Variants in SYNPR observed in about 807,000 individuals in gnomAD.
SYNPR encodes the protein synaptoporin.
SYNPR carries 23 observed loss-of-function variants against 32.9 expected under a neutral mutation model. That is an observed-to-expected ratio of 0.70 (90% CI 0.50 to 0.99). The LOEUF (loss-of-function observed/expected upper bound fraction) is 0.99, where lower values mean the gene tolerates loss of function less well. SYNPR is among the 50% of genes least tolerant of loss of function. The pLI is 0.00. For synonymous variants in SYNPR, 146 were observed against 135.9 expected, an observed-to-expected ratio of 1.07 and a Z score of -0.52; for missense variants, 318 against 349.3, an observed-to-expected ratio of 0.91 and a Z score of 0.71.
At chr3:63,588,468 A>G (rs1703232800) in intron 4 of SYNPR, among the ~76,000 whole-genome samples, 1 of 152,090 alleles carries the variant, frequency 6.6e-6, no homozygotes, top group Non-Finnish European at 1.5e-5. Flanking sequence ...CTAGTTGTTA[A>G]TTAACTAAAT....
chr3:63,570,291 G>A (rs1702862909), intron 4 of SYNPR, among the ~76,000 whole-genome samples: 2 of 152,078 alleles, frequency 1.3e-5, no homozygotes, highest in South Asian at 2.1e-4. Context: ...AATGGTCTCC[G>A]ACCTCCAGTC....
intron 2 of SYNPR, among the ~76,000 whole-genome samples, chr3:63,398,160 T>C (rs1418312794): frequency 6.6e-6 from 1 of 152,202 alleles, no homozygotes. Context: ...CTTTGTCTTC[T>C]GTAAATGAAG....
At chr3:63,481,445 A>ATGTGTGTGTG (rs1278991637) in intron 3 of SYNPR, among the ~76,000 whole-genome samples, 1 of 134,336 alleles carries the variant, frequency 7.4e-6, no homozygotes, top group East Asian at 2.1e-4. Flanking sequence ...GTATATATAT[A>ATGTGTGTGTG]TATATATGTG....
chr3:63,204,420 G>T, the SYNPR span, among the ~76,000 whole-genome samples: 1 of 152,022 alleles, frequency 6.6e-6, no homozygotes, highest in African/African-American at 2.4e-5. Flanking sequence ...TAAAGGCACT[G>T]GTCTTATTGG....
At chr3:63,346,093 G>C (rs2087433525) in intron 2 of SYNPR, among the ~76,000 whole-genome samples, 1 of 152,122 alleles carries the variant, frequency 6.6e-6, no homozygotes, top group Non-Finnish European at 1.5e-5. Context: ...AGGATTACAG[G>C]TGTGAGCCAC....
intron 3 of SYNPR, among the ~76,000 whole-genome samples, chr3:63,486,820 T>C (rs972631678): frequency 5.3e-5 from 8 of 152,150 alleles, no homozygotes; most frequent in Non-Finnish European, 1.2e-4. Flanking sequence ...TGGTTTTCAG[T>C]TCAGGTCTTA....
At chr3:63,571,561 C>A (rs1702886884) in intron 4 of SYNPR, among the ~76,000 whole-genome samples, 1 of 151,996 alleles carries the variant, frequency 6.6e-6, no homozygotes, top group African/African-American at 2.4e-5. Context: ...TTATGAATTA[C>A]CCTCAAAGAG....
chr3:63,262,980 T>C (rs2086452238), intron 2 of SYNPR, among the ~76,000 whole-genome samples: 1 of 152,172 alleles, frequency 6.6e-6, no homozygotes, highest in African/African-American at 2.4e-5. Flanking sequence ...AAAAGTCAAA[T>C]GCTTACAGTG....
In SYNPR at chr3:63,593,478, T is replaced by C. The variant is rs150378790; in HGVS notation, c.409-15647T>C. 2.0e-5 allele frequency among the ~76,000 whole-genome samples: 3 copies of C among 152,156 alleles called. No homozygotes were observed. The East Asian group carries it at 5.8e-4, about 29-fold the overall frequency. The stretch of plus-strand genomic sequence containing the variant: ...CCTGTAACTGAAATAAAGAGAGAGA[T>C]GCAGGGGATCTAAAAATCTTCTTTT... On this transcript the variant is annotated intron_variant, in intron 4 of 5. Coordinates refer to ENST00000478300, the MANE Select transcript of SYNPR (RefSeq NM_001130003.2).
chr3:63,400,087 T>C (rs1034180234), intron 2 of SYNPR, among the ~76,000 whole-genome samples: 1 of 152,214 alleles, frequency 6.6e-6, no homozygotes, highest in African/African-American at 2.4e-5. Flanking sequence ...GCCATCCTCA[T>C]GACCTATAGA....
At chr3:63,547,780 G>A (rs1702434482) in intron 3 of SYNPR, among the ~76,000 whole-genome samples, 1 of 152,100 alleles carries the variant, frequency 6.6e-6, no homozygotes, top group African/African-American at 2.4e-5. Context: ...GAGCTTTGGG[G>A]TCATACGGAC....
intron 4 of SYNPR, 87 bp downstream of exon 4, chr3:63,556,828 C>G: frequency 2.3e-6 from 3 of 1,287,380 alleles, no homozygotes; most frequent in Non-Finnish European, 3.2e-6. Context: ...TTACCTGAGC[C>G]CTCGGGTTAG....
At chr3:63,392,320 C>T (rs747209816) in intron 2 of SYNPR, among the ~76,000 whole-genome samples, 1 of 152,172 alleles carries the variant, frequency 6.6e-6, no homozygotes, top group Non-Finnish European at 1.5e-5. Context: ...CAGGTTACGC[C>T]ATTGTACACA....
intron 5 of SYNPR, 149 bp downstream of exon 5, chr3:63,609,465 G>A: frequency 1.6e-6 from 1 of 613,226 alleles, no homozygotes; most frequent in Non-Finnish European, 2.6e-6. Context: ...GGTACAGGAT[G>A]ATCACTTGGC....
chr3:63,393,276 A>G (rs557812961), intron 2 of SYNPR, among the ~76,000 whole-genome samples: 1 of 152,138 alleles, frequency 6.6e-6, no homozygotes, highest in Non-Finnish European at 1.5e-5. Context: ...AGTCTCATAC[A>G]TGTCTCATTG....
At chr3:63,449,531 G>T (rs1247398837) in intron 2 of SYNPR, among the ~76,000 whole-genome samples, 1 of 152,148 alleles carries the variant, frequency 6.6e-6, no homozygotes, top group Admixed American at 6.5e-5. Context: ...CCCCCAGGTT[G>T]TGACAACCAA....
intron 3 of SYNPR, among the ~76,000 whole-genome samples, chr3:63,514,037 T>C (rs1174988777): frequency 2.0e-5 from 3 of 152,156 alleles, no homozygotes; most frequent in African/African-American, 7.2e-5. Context: ...TCAAGTCAAA[T>C]GTTAGAAATG....
chr3:63,278,396 C>T lies in SYNPR; in HGVS notation c.-138C>T. ...TAGCGGGTGGGCTCCCCGAGGCCCCCTGCCCTCGCCGGGCTGCTCCAGGGT... is the reference window on the plus strand; with the variant it reads ...TAGCGGGTGGGCTCCCCGAGGCCCCTTGCCCTCGCCGGGCTGCTCCAGGGT... On this transcript the variant is annotated 5_prime_UTR_variant, in exon 1 of 6. Coordinates refer to ENST00000478300, the MANE Select transcript of SYNPR (RefSeq NM_001130003.2). The T allele has an allele frequency of 8.6e-7, 1 of 1,168,468 alleles. No homozygotes were observed. The highest frequency in any genetic ancestry group is 1.6e-5 in the African/African-American group (1 of 64,274). 72.4% of individuals were successfully genotyped at this position (1,168,468 alleles called of 1,614,324 possible). A position where few individuals can be genotyped will look rare whatever the true frequency, so the allele number is the denominator to read the frequency against.
intron 2 of SYNPR, among the ~76,000 whole-genome samples, chr3:63,468,419 T>C (rs566762757): frequency 6.6e-6 from 1 of 152,158 alleles, no homozygotes; most frequent in East Asian, 1.9e-4. Flanking sequence ...GCTTATGAGC[T>C]TAAGTGTGAT....
Sources: gnomAD v4.1 joint callset for allele counts (sites outside exome capture counted in the v4.1 genomes callset) on GRCh38, gnomAD v4.1.1 for gene constraint, MANE v1.5 for transcripts, NCBI Gene and HGNC (gene_info 2026-07-23, HGNC 2026-07-21) for gene names.